FHIT: variants seen among roughly 807,000 people sequenced by gnomAD.
FHIT encodes bis(5'-adenosyl)-triphosphatase.
FHIT carries 19 observed loss-of-function variants against 17.9 expected under a neutral mutation model. That is an observed-to-expected ratio of 1.06 (90% CI 0.74 to 1.56). The LOEUF (loss-of-function observed/expected upper bound fraction) is 1.56, where lower values mean the gene tolerates loss of function less well. Ranked by LOEUF, FHIT falls within the 40% of genes most tolerant of loss-of-function variation. The pLI is 0.00. For missense variants in FHIT, 248 were observed against 189.2 expected, an observed-to-expected ratio of 1.31 and a Z score of -1.82; for synonymous variants, 81 against 69.7, an observed-to-expected ratio of 1.16 and a Z score of -0.81.
At chr3:60,718,663 A>C (rs2041741665) in intron 4 of FHIT, among the ~76,000 whole-genome samples, 1 of 152,254 alleles carries the variant, frequency 6.6e-6, no homozygotes, top group Admixed American at 6.5e-5. Context: ...GTTATGTATG[A>C]TTACAGAATA....
chr3:60,072,385 G>A (rs1024589235), intron 5 of FHIT, among the ~76,000 whole-genome samples: 2 of 151,986 alleles, frequency 1.3e-5, no homozygotes, highest in Non-Finnish European at 1.5e-5. Context: ...TAAACCTTGT[G>A]GCCCATACCA....
At chr3:59,955,259 G>A (rs1016461711) in intron 7 of FHIT, among the ~76,000 whole-genome samples, 2 of 152,156 alleles carry the variant, frequency 1.3e-5, no homozygotes, top group Admixed American at 6.5e-5. Context: ...GTGGCATCTG[G>A]CACAAAGGGG....
chr3:60,517,139 A>C (rs1202637915), intron 5 of FHIT, among the ~76,000 whole-genome samples: 1 of 152,208 alleles, frequency 6.6e-6, no homozygotes, highest in Non-Finnish European at 1.5e-5. Context: ...AAGTGGGTGA[A>C]TAGTTATAAA....
At chr3:60,940,845 T>C (rs34162767) in intron 3 of FHIT, among the ~76,000 whole-genome samples, 56,783 of 151,988 alleles carry the variant, frequency 0.37, 11,272 homozygotes, top group Middle Eastern at 0.47. Context: ...TGTGGGTTGG[T>C]GATACTTTTA....
intron 3 of FHIT, among the ~76,000 whole-genome samples, chr3:60,878,183 C>A (rs1007220): frequency 2.0e-5 from 3 of 151,788 alleles, no homozygotes; most frequent in Non-Finnish European, 2.9e-5. Flanking sequence ...CTGGTAGGGG[C>A]TGCCTAACAG....
At chr3:60,880,101 A>G (rs1553757569) in intron 3 of FHIT, among the ~76,000 whole-genome samples, 1 of 152,186 alleles carries the variant, frequency 6.6e-6, no homozygotes, top group Admixed American at 6.5e-5. Flanking sequence ...AAAGTCAAAG[A>G]CAAAGCAAGA....
chr3:60,090,011 T>C (rs187861279), intron 5 of FHIT, among the ~76,000 whole-genome samples: 1 of 152,302 alleles, frequency 6.6e-6, no homozygotes, highest in African/African-American at 2.4e-5. Flanking sequence ...GTTCCAGGCA[T>C]TGATCTAAAT....
chr3:59,896,001 G>T (rs766535554), intron 8 of FHIT, among the ~76,000 whole-genome samples: 1 of 152,164 alleles, frequency 6.6e-6, no homozygotes, highest in Non-Finnish European at 1.5e-5. Context: ...CATAATTCAG[G>T]AAGTGGTTTA....
intron 5 of FHIT, among the ~76,000 whole-genome samples, chr3:60,042,456 C>A (rs1044248797): frequency 6.6e-6 from 1 of 152,116 alleles, no homozygotes; most frequent in Admixed American, 6.6e-5. Flanking sequence ...AATGGGTCAC[C>A]AGGGTTGGTT....
chr3:59,934,403 G>C (rs1045158042), intron 7 of FHIT, among the ~76,000 whole-genome samples: 1 of 152,050 alleles, frequency 6.6e-6, no homozygotes, highest in Non-Finnish European at 1.5e-5. Context: ...CCTTATGACA[G>C]TAAGCTCTTC....
chr3:60,405,928 T>C (rs917759894), intron 5 of FHIT, among the ~76,000 whole-genome samples: 5 of 152,210 alleles, frequency 3.3e-5, no homozygotes, highest in East Asian at 1.9e-4. Context: ...ATTGGAATCA[T>C]GGCAACAATA....
At chr3:60,096,772 A>G (rs539639992) in intron 5 of FHIT, among the ~76,000 whole-genome samples, 20 of 152,264 alleles carry the variant, frequency 1.3e-4, no homozygotes, top group Admixed American at 1.2e-3. Flanking sequence ...AATACAGAGC[A>G]GAGAGTGTCA....
chr3:60,774,220 T>G (rs1362628395), intron 4 of FHIT, among the ~76,000 whole-genome samples: 1 of 152,210 alleles, frequency 6.6e-6, no homozygotes, highest in Non-Finnish European at 1.5e-5. Context: ...AGAATCCCAG[T>G]GGATGCCTGA....
At chr3:60,520,240 G>C (rs2035308676) in intron 5 of FHIT, among the ~76,000 whole-genome samples, 1 of 151,178 alleles carries the variant, frequency 6.6e-6, no homozygotes, top group Admixed American at 6.6e-5. Context: ...TTTCTAGCTA[G>C]TTTTTTTTCA....
At chr3:61,019,162 T>G (rs998898063) in intron 3 of FHIT, among the ~76,000 whole-genome samples, 1 of 152,236 alleles carries the variant, frequency 6.6e-6, no homozygotes, top group Non-Finnish European at 1.5e-5. Context: ...ACAACTGATA[T>G]ATCAGCAACA....
At chr3:61,081,762 T>A (rs2035143951) in intron 2 of FHIT, among the ~76,000 whole-genome samples, 1 of 152,206 alleles carries the variant, frequency 6.6e-6, no homozygotes. Context: ...CAGTATGACC[T>A]CATCTTAACT....
At chr3:60,324,379 T>C (rs372452834) in intron 5 of FHIT, among the ~76,000 whole-genome samples, 3 of 151,612 alleles carry the variant, frequency 2.0e-5, no homozygotes, top group Admixed American at 1.3e-4. Flanking sequence ...GGTCAGGAGA[T>C]GGAGACCATC....
intron 4 of FHIT, among the ~76,000 whole-genome samples, chr3:60,654,176 G>A (rs570910115): frequency 2.6e-5 from 4 of 152,106 alleles, no homozygotes; most frequent in East Asian, 3.9e-4. Context: ...AGCCAGCACC[G>A]TGCTTCCTGT....
Position 59,970,767 on chromosome 3 carries a change from C to T in FHIT, c.279+40604G>A, listed in dbSNP as rs540120632. On this transcript the variant is annotated intron_variant, in intron 7 of 9. Coordinates refer to ENST00000492590, the MANE Select transcript of FHIT (RefSeq NM_002012.4). ...TCCTAAATTTTCATACAAGCTGTCT[C>T]GTCCGGCACTAACACAGCTTGGGGC... Among the ~76,000 whole-genome samples the T allele has an allele frequency of 4.0e-5, 6 of 151,838 alleles. No homozygotes were observed. The South Asian group carries it at 6.2e-4, about 16-fold the overall frequency.
Sources: gnomAD v4.1 joint callset for allele counts (sites outside exome capture counted in the v4.1 genomes callset) on GRCh38, gnomAD v4.1.1 for gene constraint, MANE v1.5 for transcripts, NCBI Gene and HGNC (gene_info 2026-07-23, HGNC 2026-07-21) for gene names.